Variants in POP1 observed in about 807,000 individuals in gnomAD.
POP1 encodes the protein ribonucleases P/MRP protein subunit POP1.
Under a neutral mutation model 102.2 loss-of-function variants are expected in POP1, and 75 were observed. That is an observed-to-expected ratio of 0.73 (90% CI 0.61 to 0.89). POP1 has a LOEUF of 0.89. Among genes scored for constraint, POP1 ranks in the 40% least tolerant of loss-of-function variants. The pLI is 0.00. For missense variants in POP1, 1,116 were observed against 1,267.4 expected, an observed-to-expected ratio of 0.88 and a Z score of 1.81; for synonymous variants, 436 against 464.1, an observed-to-expected ratio of 0.94 and a Z score of 0.78.
intron 2 of POP1, among the ~76,000 whole-genome samples, chr8:98,126,597 G>A (rs1463978521): frequency 2.0e-5 from 3 of 152,168 alleles, no homozygotes; most frequent in Non-Finnish European, 4.4e-5. Context: ...GTGAGTAAGT[G>A]TAAGAAAGTG....
rs755812349 is a variant in POP1, at chr8:98,157,615, A to T, written c.2421-2A>T. 1.2e-6 allele frequency: 2 copies of T among 1,614,094 alleles called. No individual in the cohort carries two copies. The highest frequency in any genetic ancestry group is 2.2e-5 in the South Asian group (2 of 91,088). On this transcript the variant is annotated splice_acceptor_variant, in intron 15 of 15. Coordinates refer to ENST00000401707, the MANE Select transcript of POP1 (RefSeq NM_001145860.2). LOFTEE classifies it high-confidence loss of function. Reference sequence around the variant, plus strand: ...CAAACGTATGTCTCCAACTTCATGTAGGAGTAGAAAATTACTGAAGCAACT... The same window carrying T: ...CAAACGTATGTCTCCAACTTCATGTTGGAGTAGAAAATTACTGAAGCAACT...
At chr8:98,122,936 T>G (rs986961709) in intron 1 of POP1, among the ~76,000 whole-genome samples, 6 of 152,344 alleles carry the variant, frequency 3.9e-5, no homozygotes, top group African/African-American at 1.2e-4. Context: ...CTATTATAAA[T>G]TAAATATATA....
chr8:98,137,025 T>C lies in POP1; in HGVS notation c.1362+71T>C, dbSNP rs1013997420. The C allele has an allele frequency of 8.2e-6, 11 of 1,344,054 alleles. No homozygotes were observed. The African/African-American group carries it at 8.7e-5, about 11-fold the overall frequency. 83.3% of individuals were successfully genotyped at this position (1,344,054 alleles called of 1,614,324 possible). On this transcript the variant is annotated intron_variant, in intron 9 of 15. Coordinates refer to ENST00000401707, the MANE Select transcript of POP1 (RefSeq NM_001145860.2). ...CCTGTCAAATTTGTGAAACCTAATATATAATTTGGTAACATTTTGGGCCAT... is the reference window on the plus strand; with the variant it reads ...CCTGTCAAATTTGTGAAACCTAATACATAATTTGGTAACATTTTGGGCCAT...
intron 13 of POP1, among the ~76,000 whole-genome samples, chr8:98,149,624 G>GTGCATACAGGTATAT (rs2130625071): frequency 1.3e-5 from 2 of 152,170 alleles, no homozygotes; most frequent in South Asian, 4.2e-4. Flanking sequence ...GGGTGTGGTG[G>GTGCATACAGGTATAT]TGCATACCTG....
At chr8:98,125,179 G>GTTTTTTTTT (rs748014497) in intron 2 of POP1, among the ~76,000 whole-genome samples, 2 of 102,260 alleles carry the variant, frequency 2.0e-5, no homozygotes, top group African/African-American at 4.1e-5. Flanking sequence ...TTTACAGACA[G>GTTTTTTTTT]TTTTTTTTTT....
rs149152740 is a variant in POP1, at chr8:98,153,201, C to G, written c.2057+2562C>G. ...CCCAGGCTGGTCTTGAACTCCTGGC[C>G]TCAAGCAGTCCTCCCATCCCAGCCT... On this transcript the variant is annotated intron_variant, in intron 14 of 15. Transcript: ENST00000401707. Among the ~76,000 whole-genome samples the G allele has an allele frequency of 3.8e-3, 573 of 152,308 alleles. 1 individual carries two copies. Among genetic ancestry groups the G allele is most frequent in the Non-Finnish European group, 5.8e-3 (397 of 68,036 alleles).
At chr8:98,120,452 A>G (rs991493350) in intron 1 of POP1, among the ~76,000 whole-genome samples, 1 of 152,168 alleles carries the variant, frequency 6.6e-6, no homozygotes, top group Non-Finnish European at 1.5e-5. Context: ...AGCCAAAACC[A>G]TGTACAGTAT....
At position 98,157,857 on chromosome 8, in the gene POP1, T is replaced by C; in HGVS notation, c.2661T>C (p.His887=). 1.2e-6 allele frequency: 2 copies of C among 1,614,138 alleles called. No individual in the cohort carries two copies. Among genetic ancestry groups the C allele is most frequent in the Non-Finnish European group, 1.7e-6 (2 of 1,179,970 alleles). Residue 887 remains histidine (H), a synonymous_variant, in exon 16 of 16, where the codon CAT becomes CAC. Transcript: ENST00000401707. ...CCAAGGAGGACTTCCTCCAGCTCCA[T>C]GAGGACTGGCATTACTGTGGGCCCC... ...VPAKEDFLQL[H]EDWHYCGPQE...
chr8:98,132,135 A>G (rs2130594186), intron 5 of POP1, among the ~76,000 whole-genome samples: 1 of 152,332 alleles, frequency 6.6e-6, no homozygotes, highest in Non-Finnish European at 1.5e-5. Context: ...ATAATAACAA[A>G]TATTAGTGAG....
chr8:98,152,747 G>A (rs115618466), intron 14 of POP1, among the ~76,000 whole-genome samples: 109 of 152,350 alleles, frequency 7.2e-4, no homozygotes, highest in African/African-American at 2.6e-3. Context: ...CAATTGCAGT[G>A]TGGATGTCCT....
chr8:98,139,550 A>G lies in POP1; in HGVS notation c.1363-528A>G, dbSNP rs575986367. On this transcript the variant is annotated intron_variant, in intron 9 of 15. Transcript: ENST00000401707. Reference sequence around the variant, plus strand: ...AGCCTGGGCACCATAGTGAGACCATATATCTACAAAAAATAAGTTAAAAAA... The same window carrying G: ...AGCCTGGGCACCATAGTGAGACCATGTATCTACAAAAAATAAGTTAAAAAA... Among the ~76,000 whole-genome samples, 239 of 152,192 alleles carry G rather than the reference A, an allele frequency of 1.6e-3. 3 individuals are homozygous for G. Among genetic ancestry groups the G allele is most frequent in the African/African-American group, 5.4e-3 (224 of 41,518 alleles).
intron 14 of POP1, among the ~76,000 whole-genome samples, chr8:98,153,161 C>T (rs1378213012): frequency 6.6e-6 from 1 of 151,990 alleles, no homozygotes; most frequent in Non-Finnish European, 1.5e-5. Flanking sequence ...GTAGAGACAG[C>T]GTCTCGCTTT....
At chr8:98,124,397 A>G (rs955115597) in intron 2 of POP1, among the ~76,000 whole-genome samples, 2 of 152,074 alleles carry the variant, frequency 1.3e-5, no homozygotes, top group Non-Finnish European at 2.9e-5. Flanking sequence ...CTCCGTCTCT[A>G]CTAGAAATAC....
chr8:98,125,598 T>G (rs1370316813), intron 2 of POP1, among the ~76,000 whole-genome samples: 1 of 152,008 alleles, frequency 6.6e-6, no homozygotes, highest in African/African-American at 2.4e-5. Context: ...TGGAGTGCAG[T>G]GGTGCGATCT....
At chr8:98,151,740 C>CT (rs755019200) in intron 14 of POP1, among the ~76,000 whole-genome samples, 26,829 of 112,872 alleles carry the variant, frequency 0.24, 5,385 homozygotes, top group African/African-American at 0.53. Flanking sequence ...GCCTGGCTTG[C>CT]TTTTTTTTTT....
In POP1 at chr8:98,156,051, C is replaced by T. The variant is rs142902409; in HGVS notation, c.2059C>T (p.Arg687Cys). The T allele has an allele frequency of 1.9e-4, 304 of 1,613,194 alleles. No homozygotes were observed. Among genetic ancestry groups the T allele is most frequent in the Non-Finnish European group, 2.3e-4 (273 of 1,179,950 alleles). Residue 687 changes from arginine (R) to cysteine (C), a missense_variant and splice_region_variant, in exon 15 of 16, where the codon CGC becomes TGC. By Grantham distance (180) the Arg-to-Cys change is radical (BLOSUM62 -3). Coordinates refer to ENST00000401707, the MANE Select transcript of POP1 (RefSeq NM_001145860.2). ...AKNLLEKYKRRPPAKRPNYVK... is the reference protein window; with the variant it reads ...AKNLLEKYKRCPPAKRPNYVK... ...GTTCTCCTGTATGTTTTTCTTTAGACGCCCTCCTGCAAAACGGCCCAACTA... is the reference window on the plus strand; with the variant it reads ...GTTCTCCTGTATGTTTTTCTTTAGATGCCCTCCTGCAAAACGGCCCAACTA...
At position 98,157,964 on chromosome 8, in the gene POP1, C is replaced by G; in HGVS notation, c.2768C>G (p.Pro923Arg). The part of the protein sequence containing the change: ...EKKKREKRQK[P>R]GRASSDGPAG... Reference sequence around the variant, plus strand: ...AAGAAAAGGGAGAAGAGGCAGAAGCCAGGACGTGCCTCTTCTGATGGCCCG... The same window carrying G: ...AAGAAAAGGGAGAAGAGGCAGAAGCGAGGACGTGCCTCTTCTGATGGCCCG... The change falls in exon 16 of 16, where the codon CCA becomes CGA. Residue 923 changes from proline to arginine, a missense_variant. Pro to Arg is a moderately radical substitution (Grantham distance 103). Coordinates refer to ENST00000401707, the MANE Select transcript of POP1 (RefSeq NM_001145860.2). 6.2e-7 allele frequency: 1 copy of G among 1,613,662 alleles called. No homozygotes were observed. Among genetic ancestry groups the G allele is most frequent in the Non-Finnish European group, 8.5e-7 (1 of 1,180,044 alleles).
chr8:98,145,660 C>T (rs1489039167), intron 11 of POP1, among the ~76,000 whole-genome samples: 1 of 152,120 alleles, frequency 6.6e-6, no homozygotes, highest in African/African-American at 2.4e-5. Flanking sequence ...AATCCCAGCA[C>T]TTTGGGAGGC....
intron 6 of POP1, 152 bp from the exon 7 acceptor site, chr8:98,134,320 C>T (rs887425646): frequency 2.5e-6 from 2 of 800,172 alleles, no homozygotes; most frequent in African/African-American, 3.4e-5. Context: ...TTGTTGAGAA[C>T]TTATTGTGTG....
Sources: allele counts gnomAD v4.1 joint callset (sites outside exome capture counted in the v4.1 genomes callset), GRCh38; gene constraint gnomAD v4.1.1; transcripts MANE v1.5; gene names NCBI Gene and HGNC (gene_info 2026-07-23, HGNC 2026-07-21).